Variants in MSRA observed in about 807,000 individuals in gnomAD.
MSRA encodes mitochondrial peptide methionine sulfoxide reductase.
In MSRA, 54 loss-of-function variants were observed where a neutral mutation model predicts 31.3. The observed-to-expected ratio is 1.73, with a 90% CI of 1.39 to 2.17. MSRA has a LOEUF of 2.17. MSRA is among the 30% of genes most tolerant of loss of function. The pLI is 0.00. For synonymous variants in MSRA, 169 were observed against 116.5 expected (o/e 1.45, Z -2.90); for missense variants, 507 against 300.9 (o/e 1.69, Z -5.07).
intron 4 of MSRA, among the ~76,000 whole-genome samples, chr8:10,318,025 A>C (rs918624459): frequency 6.6e-6 from 1 of 152,070 alleles, no homozygotes; most frequent in Non-Finnish European, 1.5e-5. Context: ...AGAACGTTCC[A>C]AGCTTGTTCT....
chr8:10,237,902 C>T (rs990448251), intron 2 of MSRA, among the ~76,000 whole-genome samples: 1 of 152,230 alleles, frequency 6.6e-6, no homozygotes, highest in Admixed American at 6.5e-5. Flanking sequence ...CCATTCACTG[C>T]ATCTGTGCTT....
At chr8:10,419,735 A>G (rs1388482562) in intron 5 of MSRA, among the ~76,000 whole-genome samples, 1 of 152,158 alleles carries the variant, frequency 6.6e-6, no homozygotes, top group Non-Finnish European at 1.5e-5. Context: ...TTTAGAGCGT[A>G]TATCTCTTTG....
intron 1 of MSRA, among the ~76,000 whole-genome samples, chr8:10,092,361 T>C (rs1798899408): frequency 6.6e-6 from 1 of 152,166 alleles, no homozygotes. Context: ...CATATATCCT[T>C]AAGTATGTAC....
intron 4 of MSRA, among the ~76,000 whole-genome samples, chr8:10,313,222 T>C (rs1050204234): frequency 5.9e-5 from 9 of 152,212 alleles, no homozygotes; most frequent in African/African-American, 1.9e-4. Flanking sequence ...TCTCTCTCTA[T>C]ATTCAGTCTG....
intron 5 of MSRA, among the ~76,000 whole-genome samples, chr8:10,341,162 C>T (rs1211181780): frequency 3.3e-5 from 5 of 152,138 alleles, no homozygotes; most frequent in Non-Finnish European, 5.9e-5. Flanking sequence ...CTCGCGTTGC[C>T]ATAAATACCT....
intron 1 of MSRA, among the ~76,000 whole-genome samples, chr8:10,125,686 C>G (rs898622346): frequency 2.0e-5 from 3 of 152,192 alleles, no homozygotes; most frequent in Non-Finnish European, 4.4e-5. Flanking sequence ...CCGAAAGTCT[C>G]TCGTGAAAGT....
intron 5 of MSRA, among the ~76,000 whole-genome samples, chr8:10,401,235 A>G (rs990083030): frequency 1.3e-5 from 2 of 152,222 alleles, no homozygotes; most frequent in African/African-American, 2.4e-5. Context: ...CCCTTGAAAA[A>G]TGGGCAAGGG....
intron 5 of MSRA, among the ~76,000 whole-genome samples, chr8:10,388,208 T>A (rs1806512391): frequency 6.6e-6 from 1 of 152,076 alleles, no homozygotes; most frequent in Middle Eastern, 3.4e-3. Flanking sequence ...AGAAAGAAGG[T>A]TATGGGGGAG....
intron 1 of MSRA, among the ~76,000 whole-genome samples, chr8:10,180,818 A>G (rs1806471690): frequency 6.6e-6 from 1 of 152,234 alleles, no homozygotes; most frequent in Admixed American, 6.5e-5. Flanking sequence ...ACAGGAAATC[A>G]GGTGTTTTTG....
intron 1 of MSRA, among the ~76,000 whole-genome samples, chr8:10,148,876 G>A (rs150511946): frequency 6.7e-6 from 1 of 150,296 alleles, no homozygotes; most frequent in Non-Finnish European, 1.5e-5. Context: ...TTAAAGACAT[G>A]CAGAACTGGA....
At chr8:10,088,842 G>A (rs548706261) in intron 1 of MSRA, among the ~76,000 whole-genome samples, 11 of 152,266 alleles carry the variant, frequency 7.2e-5, no homozygotes, top group South Asian at 4.1e-4. Flanking sequence ...CAGCACGGAC[G>A]GATCTAAAGG....
chr8:10,224,916 A>G (rs540493167), intron 2 of MSRA, among the ~76,000 whole-genome samples: 1 of 152,286 alleles, frequency 6.6e-6, no homozygotes, highest in East Asian at 1.9e-4. Context: ...CTTTGGGAGG[A>G]TCACCTGAGG....
intron 1 of MSRA, among the ~76,000 whole-genome samples, chr8:10,126,446 G>T (rs1166582169): frequency 6.6e-6 from 1 of 152,192 alleles, no homozygotes; most frequent in Admixed American, 6.5e-5. Flanking sequence ...CAGACTGGGG[G>T]CAGGGGCGAT....
intron 3 of MSRA, among the ~76,000 whole-genome samples, chr8:10,275,875 A>T (rs1445589694): frequency 6.6e-6 from 1 of 152,162 alleles, no homozygotes; most frequent in Non-Finnish European, 1.5e-5. Context: ...CTCTTGACCC[A>T]CAATCTGGAA....
At chr8:10,165,664 C>T (rs1805062196) in intron 1 of MSRA, among the ~76,000 whole-genome samples, 1 of 152,246 alleles carries the variant, frequency 6.6e-6, no homozygotes, top group East Asian at 1.9e-4. Context: ...CGTCCTAACC[C>T]CCAAATCAGG....
intron 4 of MSRA, among the ~76,000 whole-genome samples, chr8:10,315,779 T>G (rs1801676374): frequency 6.6e-6 from 1 of 152,248 alleles, no homozygotes; most frequent in Non-Finnish European, 1.5e-5. Flanking sequence ...CGTTTTCTAA[T>G]ATTTTCATTA....
chr8:10,287,183 C>T (rs1344202820), intron 3 of MSRA, among the ~76,000 whole-genome samples: 7 of 152,094 alleles, frequency 4.6e-5, no homozygotes, highest in East Asian at 3.9e-4. Context: ...TGCATCTATA[C>T]GAAGTCATTG....
At chr8:10,276,516 T>C (rs540183249) in intron 3 of MSRA, among the ~76,000 whole-genome samples, 1 of 152,328 alleles carries the variant, frequency 6.6e-6, no homozygotes, top group African/African-American at 2.4e-5. Context: ...CTCCAAGGCA[T>C]TAAGCCCAAA....
intron 3 of MSRA, among the ~76,000 whole-genome samples, chr8:10,289,246 CT>C (rs1283296308): frequency 6.6e-6 from 1 of 152,044 alleles, no homozygotes; most frequent in Non-Finnish European, 1.5e-5. Context: ...ATATCTTGAC[CT>C]CATAATCTGT....
Sources: allele counts gnomAD v4.1 joint callset (sites outside exome capture counted in the v4.1 genomes callset), GRCh38; gene constraint gnomAD v4.1.1; transcripts MANE v1.5; gene names NCBI Gene and HGNC (gene_info 2026-07-23, HGNC 2026-07-21).